SH3KBP1: variants seen among roughly 807,000 people sequenced by gnomAD.
SH3KBP1 encodes SH3 domain containing kinase binding protein 1, also known as SH3 domain-containing kinase-binding protein 1.
Under a neutral mutation model 50.1 loss-of-function variants are expected in SH3KBP1, and 8 were observed. The observed-to-expected ratio is 0.16, with a 90% confidence interval of 0.09 to 0.29. The LOEUF is 0.29. SH3KBP1 is among the 10% of genes least tolerant of loss of function. The pLI, the probability that SH3KBP1 is intolerant of heterozygous loss-of-function variation, is 1.00. For synonymous variants in SH3KBP1, 227 were observed against 218.6 expected (o/e 1.04, Z -0.34); for missense variants, 377 against 535.2 (o/e 0.70, Z 2.92).
intron 6 of SH3KBP1, among the ~76,000 whole-genome samples, chrX:19,680,380 CAAAAA>C (rs763413288): frequency 2.6e-5 from 1 of 37,784 alleles, no homozygotes. Flanking sequence ...ACTCTTGTTT[CAAAAA>C]AAAAAAAAAA....
At chrX:19,598,874 A>G in intron 9 of SH3KBP1, among the ~76,000 whole-genome samples, 1 of 112,200 alleles carries the variant, frequency 8.9e-6, no homozygotes, top group East Asian at 2.8e-4. Flanking sequence ...AAAAAGTTTG[A>G]AATGTTGTGA....
At chrX:19,658,553 A>G (rs779185742) in intron 6 of SH3KBP1, among the ~76,000 whole-genome samples, 4 of 111,428 alleles carry the variant, frequency 3.6e-5, no homozygotes, top group Non-Finnish European at 5.7e-5. Context: ...AAAAGGCTCA[A>G]TGATATCTTT....
At chrX:19,626,786 C>T (rs1170701287) in intron 8 of SH3KBP1, among the ~76,000 whole-genome samples, 1 of 110,658 alleles carries the variant, frequency 9.0e-6, no homozygotes, top group Admixed American at 9.6e-5. Flanking sequence ...TCAGGCTGGT[C>T]TCAAACTCCC....
At chrX:19,861,139 G>A (rs2147510395) in intron 1 of SH3KBP1, among the ~76,000 whole-genome samples, 1 of 111,383 alleles carries the variant, frequency 9.0e-6, no homozygotes, top group Admixed American at 9.6e-5. Context: ...CACTTTGAGA[G>A]GCCAAGGCGG....
intron 2 of SH3KBP1, among the ~76,000 whole-genome samples, chrX:19,785,424 A>T (rs1192949608): frequency 1.8e-5 from 2 of 109,607 alleles, no homozygotes; most frequent in African/African-American, 6.7e-5. Flanking sequence ...GCTACTTGGG[A>T]GGCTGAGGTG....
intron 2 of SH3KBP1, among the ~76,000 whole-genome samples, chrX:19,822,105 C>T (rs2147341324): frequency 8.9e-6 from 1 of 112,244 alleles, no homozygotes; most frequent in African/African-American, 3.2e-5. Flanking sequence ...TTTTCTTTGC[C>T]TTTCATTTTT....
chrX:19,665,121 C>A (rs1236333673), intron 6 of SH3KBP1, among the ~76,000 whole-genome samples: 2 of 111,724 alleles, frequency 1.8e-5, no homozygotes, highest in Admixed American at 9.5e-5. Context: ...ACTAAGAATT[C>A]AAAATAAAAA....
At chrX:19,717,576 A>AAT (rs988347466) in intron 3 of SH3KBP1, among the ~76,000 whole-genome samples, 2 of 111,256 alleles carry the variant, frequency 1.8e-5, no homozygotes, top group Non-Finnish European at 3.8e-5. Flanking sequence ...TCAAAACAAA[A>AAT]ATATATATAT....
intron 1 of SH3KBP1, among the ~76,000 whole-genome samples, chrX:19,867,971 G>T (rs1240261620): frequency 1.8e-5 from 2 of 111,227 alleles, no homozygotes; most frequent in Non-Finnish European, 3.8e-5. Context: ...AACACAACAT[G>T]AGGGATTAGG....
intron 9 of SH3KBP1, among the ~76,000 whole-genome samples, chrX:19,604,284 C>T (rs756638296): frequency 4.3e-4 from 48 of 111,897 alleles, no homozygotes; most frequent in African/African-American, 1.5e-3. Context: ...AACGGATGCT[C>T]TTCTGGAATA....
chrX:19,560,871 T>C (rs1420796824), intron 13 of SH3KBP1, among the ~76,000 whole-genome samples: 1 of 109,728 alleles, frequency 9.1e-6, no homozygotes, highest in Non-Finnish European at 1.9e-5. Context: ...AGCCTAGCAG[T>C]TTGTGACCAG....
intron 8 of SH3KBP1, among the ~76,000 whole-genome samples, chrX:19,627,405 G>A (rs747694212): frequency 5.3e-5 from 6 of 112,384 alleles, no homozygotes; most frequent in Middle Eastern, 4.6e-3. Flanking sequence ...CAGAAGCTTC[G>A]GAACCTTTTC....
At chrX:19,779,908 A>G (rs1391994134) in intron 2 of SH3KBP1, among the ~76,000 whole-genome samples, 1 of 107,308 alleles carries the variant, frequency 9.3e-6, no homozygotes, top group Non-Finnish European at 1.9e-5. Context: ...GTGTCTTTAT[A>G]GCAGCATGAT....
chrX:19,796,717 T>C (rs2066727161), intron 2 of SH3KBP1, among the ~76,000 whole-genome samples: 2 of 112,243 alleles, frequency 1.8e-5, no homozygotes, highest in Admixed American at 1.9e-4. Flanking sequence ...AGTAAAGAAA[T>C]AAAGCATTTA....
rs1602934470 is a variant in SH3KBP1 at position 19,668,841 on chromosome X, G to A, written c.726+14982C>T. 5.1e-5 allele frequency among the ~76,000 whole-genome samples: 4 copies of A among 78,260 alleles called. No homozygotes were observed. In the South Asian group the frequency reaches 3.2e-3, roughly 62 times the overall value. 68.0% of individuals were successfully genotyped at this position (78,260 alleles called of 115,157 possible). On this transcript the variant is annotated intron_variant, in intron 6 of 17. Transcript: ENST00000397821. ...CTCCAGCCAGCCTGGGCGACAGGGT[G>A]AGACTGTGTCTCAAAAAAAAAAAAA...
At chrX:19,876,741 C>T (rs752064777) in intron 1 of SH3KBP1, among the ~76,000 whole-genome samples, 3 of 111,708 alleles carry the variant, frequency 2.7e-5, no homozygotes, top group Non-Finnish European at 5.6e-5. Flanking sequence ...AGCTGAAGGA[C>T]AGAGATGGGA....
At chrX:19,835,163 T>C (rs1259776133) in intron 2 of SH3KBP1, among the ~76,000 whole-genome samples, 1 of 112,397 alleles carries the variant, frequency 8.9e-6, no homozygotes, top group East Asian at 2.8e-4. Context: ...TATTTGTTTG[T>C]TTATTTATTT....
rs111387462 is a variant in SH3KBP1 at position 19,698,731 on chromosome X, G to T, written c.391-2990C>A. Among the ~76,000 whole-genome samples, 384 of 111,811 alleles carry T rather than the reference G, an allele frequency of 3.4e-3. 3 individuals are homozygous for T. Among genetic ancestry groups the T allele is most frequent in the African/African-American group, 0.012 (366 of 30,749 alleles). On this transcript the variant is annotated intron_variant, in intron 4 of 17. Coordinates refer to ENST00000397821, the MANE Select transcript of SH3KBP1 (RefSeq NM_031892.3). ...TGTTTTGGTCTCGAGACTGAGGCTG[G>T]AGATAAGAGAAAAATGATACCTCAC... is the stretch of plus-strand genomic sequence containing the variant.
chrX:19,829,734 AAAG>A (rs1428600943), intron 2 of SH3KBP1, among the ~76,000 whole-genome samples: 19 of 109,785 alleles, frequency 1.7e-4, no homozygotes, highest in South Asian at 3.9e-4. Flanking sequence ...AAAAAAAAAA[AAAG>A]AAGAAGAAGA....
Sources: gnomAD v4.1 joint callset for allele counts (sites outside exome capture counted in the v4.1 genomes callset) on GRCh38, gnomAD v4.1.1 for gene constraint, MANE v1.5 for transcripts, NCBI Gene and HGNC (gene_info 2026-07-23, HGNC 2026-07-21) for gene names.